SH3PXD2A: variants seen among roughly 807,000 people sequenced by gnomAD.
SH3PXD2A encodes the protein SH3 and PX domain-containing protein 2A.
A neutral mutation model predicts 115.2 loss-of-function variants in SH3PXD2A; 32 were observed. The observed-to-expected ratio is 0.28, with a 90% CI of 0.21 to 0.37. The LOEUF (loss-of-function observed/expected upper bound fraction) is 0.37. Ranked by LOEUF, SH3PXD2A falls within the 10% of genes least tolerant of loss-of-function variation. The pLI is 1.00. For missense variants in SH3PXD2A, 1,328 were observed against 1,498.7 expected (o/e 0.89, Z 1.88); for synonymous variants, 610 against 629.1 (o/e 0.97, Z 0.45).
In SH3PXD2A at chr10:103,605,922, G is replaced by A. The variant is rs1431874626; in HGVS notation, c.1309-5C>T. The A allele has an allele frequency of 1.2e-6, 2 of 1,613,878 alleles. No individual in the cohort carries two copies. Among genetic ancestry groups the A allele is most frequent in the Non-Finnish European group, 1.7e-6 (2 of 1,179,966 alleles). The stretch of plus-strand genomic sequence containing the variant: ...TGGCTTTGGCAGTTGGAACCCCTAA[G>A]GTTAAGGAACACACAGTGGGCAAAA... On this transcript the variant is annotated splice_region_variant and splice_polypyrimidine_tract_variant and intron_variant, in intron 13 of 14. Coordinates refer to ENST00000369774, the MANE Select transcript of SH3PXD2A (RefSeq NM_001394015.1).
intron 9 of SH3PXD2A, among the ~76,000 whole-genome samples, chr10:103,626,256 G>A (rs985794255): frequency 2.0e-5 from 3 of 152,272 alleles, no homozygotes; most frequent in Admixed American, 6.5e-5. Flanking sequence ...GGCACTTGGC[G>A]GCTGCTTACT....
At chr10:103,649,672 C>T (rs1210246820) in intron 8 of SH3PXD2A, among the ~76,000 whole-genome samples, 3 of 152,224 alleles carry the variant, frequency 2.0e-5, no homozygotes, top group East Asian at 1.9e-4. Flanking sequence ...TACCCCTGAT[C>T]GCAGCAGCTC....
rs148562899 is a variant in SH3PXD2A, at chr10:103,691,467, T to G, written c.427+1561A>C. On this transcript the variant is annotated intron_variant, in intron 6 of 14. Coordinates refer to ENST00000369774, the MANE Select transcript of SH3PXD2A (RefSeq NM_001394015.1). ...TGAGGCCCAGGGCAAGCTTCCTGTG[T>G]GGGCGGTGACAGAACACAACCCCCA... Among the ~76,000 whole-genome samples, 294 of 152,240 alleles carry G rather than the reference T, an allele frequency of 1.9e-3. 1 individual carries two copies. The highest frequency in any genetic ancestry group is 6.6e-3 in the African/African-American group (276 of 41,518).
In SH3PXD2A at chr10:103,627,008, C is replaced by T; in HGVS notation, c.718+81G>A. The T allele has an allele frequency of 1.3e-6, 1 of 781,172 alleles. No homozygotes were observed. Among genetic ancestry groups the T allele is most frequent in the Non-Finnish European group, 2.3e-6 (1 of 440,250 alleles). The allele number at this position is 781,172 out of a possible 1,614,324, so 48.4% of individuals were successfully genotyped here. ...TATGGCTCAGCTCACTTTAGGGGTT[C>T]TGTTGGTTCTAGGGAAAGAGTGAGA... On this transcript the variant is annotated intron_variant, in intron 9 of 14. Transcript: ENST00000369774. The surrounding 1 kb of genome is among the most constrained non-coding windows in gnomAD (Gnocchi z 4.4).
chr10:103,679,398 G>A lies in SH3PXD2A; in HGVS notation c.428-10746C>T, dbSNP rs116104519. 6.7e-3 allele frequency among the ~76,000 whole-genome samples: 1,022 copies of A among 152,346 alleles called. 16 individuals are homozygous for A. Among genetic ancestry groups the A allele is most frequent in the African/African-American group, 0.022 (918 of 41,594 alleles). The stretch of plus-strand genomic sequence containing the variant: ...AGGAGCCACCTCATCCCAGAAGGAA[G>A]ACCTAGTACCAGTGTCCATTCAGAA... On this transcript the variant is annotated intron_variant, in intron 6 of 14. Coordinates refer to ENST00000369774, the MANE Select transcript of SH3PXD2A (RefSeq NM_001394015.1).
intron 1 of SH3PXD2A, among the ~76,000 whole-genome samples, chr10:103,831,330 C>T (rs2039480673): frequency 6.6e-6 from 1 of 152,132 alleles, no homozygotes; most frequent in South Asian, 2.1e-4. Context: ...TGTACTGTTC[C>T]AAGTGGTAGC....
chr10:103,783,999 C>A (rs976118714), intron 2 of SH3PXD2A, among the ~76,000 whole-genome samples: 1 of 152,238 alleles, frequency 6.6e-6, no homozygotes, highest in Non-Finnish European at 1.5e-5. Flanking sequence ...AGGAAAAGTC[C>A]CCCCGCAAAG....
intron 2 of SH3PXD2A, among the ~76,000 whole-genome samples, chr10:103,787,135 T>C (rs1278043579): frequency 6.6e-6 from 1 of 152,162 alleles, no homozygotes; most frequent in East Asian, 1.9e-4. Context: ...GACAGTCAGA[T>C]TCAGGAGGCT....
intron 6 of SH3PXD2A, among the ~76,000 whole-genome samples, chr10:103,672,087 C>T (rs1051240025): frequency 1.3e-5 from 2 of 152,174 alleles, no homozygotes; most frequent in African/African-American, 4.8e-5. Flanking sequence ...GAGTTCGAGA[C>T]CAGCCTGGCC....
chr10:103,795,711 T>C (rs2039079179), intron 2 of SH3PXD2A, among the ~76,000 whole-genome samples: 1 of 152,192 alleles, frequency 6.6e-6, no homozygotes, highest in Admixed American at 6.5e-5. Flanking sequence ...TTTGTCTTTG[T>C]TTTTTAACTA....
chr10:103,812,376 C>T (rs1429207111), intron 1 of SH3PXD2A, among the ~76,000 whole-genome samples: 1 of 152,126 alleles, frequency 6.6e-6, no homozygotes, highest in Non-Finnish European at 1.5e-5. Context: ...CTCAATGCTC[C>T]CAGACATTCA....
At position 103,779,439 on chromosome 10, in the gene SH3PXD2A, AG is replaced by A. The variant is rs781450173; in HGVS notation, c.154-12271del. 8.5e-5 allele frequency among the ~76,000 whole-genome samples: 13 copies of A among 152,170 alleles called. No homozygotes were observed. The Middle Eastern group carries it at 0.01, about 119-fold the overall frequency. On this transcript the variant is annotated intron_variant, in intron 2 of 14. Coordinates refer to ENST00000369774, the MANE Select transcript of SH3PXD2A (RefSeq NM_001394015.1). ...GTGAACTTCCCTCCCTTTGGTCCCT[AG>A]GAAGTGTGGGAGCTGGGGGAGCCTG...
chr10:103,829,177 T>G (rs1187443975), intron 1 of SH3PXD2A, among the ~76,000 whole-genome samples: 1 of 152,208 alleles, frequency 6.6e-6, no homozygotes, highest in East Asian at 1.9e-4. Flanking sequence ...GACTGTTTAT[T>G]TAATAGTGAT....
rs1229584925 is a variant in SH3PXD2A, at chr10:103,784,001, C to G, written c.154-16832G>C. On this transcript the variant is annotated intron_variant, in intron 2 of 14. Transcript: ENST00000369774. This position sits in a 1 kb window ranked among gnomAD's most constrained non-coding sequence, Gnocchi z 4.4. ...CTGGGAATGCAACAGGAAAAGTCCC[C>G]CCGCAAAGCTTGCTGTCTTCCAAGC... Among the ~76,000 whole-genome samples, 1 of 152,214 alleles carries G rather than the reference C, an allele frequency of 6.6e-6. No homozygotes were observed. The highest frequency in any genetic ancestry group is 2.4e-5 in the African/African-American group (1 of 41,462).
chr10:103,636,207 G>C (rs1416702387), intron 8 of SH3PXD2A, among the ~76,000 whole-genome samples: 1 of 152,088 alleles, frequency 6.6e-6, no homozygotes, highest in Non-Finnish European at 1.5e-5. Flanking sequence ...AGGAATTTGA[G>C]GCCAGCCTGG....
intron 6 of SH3PXD2A, among the ~76,000 whole-genome samples, chr10:103,676,532 G>A (rs2037535879): frequency 1.3e-5 from 2 of 152,154 alleles, no homozygotes; most frequent in Admixed American, 1.3e-4. Flanking sequence ...CTGCCTAGAA[G>A]GGGCTGCCCT....
intron 2 of SH3PXD2A, among the ~76,000 whole-genome samples, chr10:103,790,303 C>T (rs555998204): frequency 1.2e-4 from 18 of 152,150 alleles, no homozygotes; most frequent in Admixed American, 3.3e-4. Context: ...TACAGGCGCC[C>T]GCCATCACCC....
chr10:103,637,530 CG>C (rs2036885349), intron 8 of SH3PXD2A, among the ~76,000 whole-genome samples: 1 of 152,076 alleles, frequency 6.6e-6, no homozygotes, highest in Admixed American at 6.6e-5. Context: ...CATATAGGCT[CG>C]GGGTGGGTGA....
At chr10:103,643,112 C>T (rs921464248) in intron 8 of SH3PXD2A, among the ~76,000 whole-genome samples, 7 of 152,172 alleles carry the variant, frequency 4.6e-5, no homozygotes, top group Admixed American at 3.9e-4. Context: ...AATCCAGTAC[C>T]GCCTGACGTT....
Sources: gnomAD v4.1 joint callset for allele counts (sites outside exome capture counted in the v4.1 genomes callset) on GRCh38, gnomAD v4.1.1 for gene constraint, Gnocchi (gnomAD v3.1) non-coding constraint, MANE v1.5 for transcripts, NCBI Gene and HGNC (gene_info 2026-07-23, HGNC 2026-07-21) for gene names.